ZFHX4: variants seen among roughly 807,000 people sequenced by gnomAD.
The protein encoded by ZFHX4 is zinc finger homeobox protein 4.
Under a neutral mutation model 267.6 loss-of-function variants are expected in ZFHX4, and 56 were observed. The ratio of observed to expected loss-of-function variants is 0.21; its 90% confidence interval spans 0.17 to 0.26. The LOEUF (loss-of-function observed/expected upper bound fraction) is 0.26, where lower values mean the gene tolerates loss of function less well. ZFHX4 is among the 10% of genes least tolerant of loss of function. The pLI, the probability that ZFHX4 is intolerant of heterozygous loss-of-function variation, is 1.00. For missense variants in ZFHX4, 4,332 were observed against 4,420.0 expected, an observed-to-expected ratio of 0.98 and a Z score of 0.56; for synonymous variants, 1,778 against 1,665.6, an observed-to-expected ratio of 1.07 and a Z score of -1.64.
chr8:76,855,948 T>C lies in ZFHX4; in HGVS notation c.9027T>C (p.Cys3009=). The C allele has an allele frequency of 6.2e-7, 1 of 1,613,944 alleles. No homozygotes were observed. Among genetic ancestry groups the C allele is most frequent in the Non-Finnish European group, 8.5e-7 (1 of 1,179,868 alleles). The change falls in exon 10 of 11, where the codon TGT becomes TGC. Residue 3009 remains cysteine (C), a synonymous_variant. Transcript: ENST00000651372. Reference sequence around the variant, plus strand: ...GAACGGAAGGCACCAAACCAGAGTGTACCCTCTGCGGGGTGAAGTACTCTG... The same window carrying C: ...GAACGGAAGGCACCAAACCAGAGTGCACCCTCTGCGGGGTGAAGTACTCTG... ...QGGTEGTKPE[C]TLCGVKYSAR...
At chr8:76,738,953 G>A (rs750581336) in intron 3 of ZFHX4, among the ~76,000 whole-genome samples, 5 of 152,000 alleles carry the variant, frequency 3.3e-5, no homozygotes, top group Admixed American at 2.6e-4. Context: ...GGGCTCAAGC[G>A]ATTCACCTGC....
chr8:76,842,568 A>AAAT, intron 5 of ZFHX4, 87 bp from the exon 6 acceptor site: 1 of 892,086 alleles, frequency 1.1e-6, no homozygotes, highest in Non-Finnish European at 1.7e-6. Context: ...CATAAATAAC[A>AAAT]AAGTTTTCAA....
intron 4 of ZFHX4, among the ~76,000 whole-genome samples, chr8:76,799,903 T>G (rs1012849489): frequency 6.6e-6 from 1 of 152,192 alleles, no homozygotes; most frequent in Non-Finnish European, 1.5e-5. Flanking sequence ...ACTTGATCAC[T>G]GCAAAAAACG....
At chr8:76,783,640 TA>T (rs1469014598) in intron 4 of ZFHX4, among the ~76,000 whole-genome samples, 1 of 152,002 alleles carries the variant, frequency 6.6e-6, no homozygotes, top group Non-Finnish European at 1.5e-5. Flanking sequence ...AGAATAATGG[TA>T]AAACTGACAT....
chr8:76,849,536 T>A lies in ZFHX4; in HGVS notation c.3670T>A (p.Tyr1224Asn). Residue 1224 changes from tyrosine to asparagine, a missense_variant, in exon 8 of 11, where the codon TAC (tyrosine) becomes AAC (asparagine). Physicochemically the swap from Tyr to Asn is moderately radical, Grantham distance 143 (BLOSUM62 -2). Transcript: ENST00000651372. The stretch of plus-strand genomic sequence containing the variant: ...GTTCTATCAATGTCCTTATTGTAAC[T>A]ACAATAGTAGGGACCAAAGTCGTAT... ...EQFYQCPYCN[Y>N]NSRDQSRIQM... 1 of 1,613,928 alleles carries A rather than the reference T, an allele frequency of 6.2e-7. No homozygotes were observed. Among genetic ancestry groups the A allele is most frequent in the Non-Finnish European group, 8.5e-7 (1 of 1,179,804 alleles).
In ZFHX4 at chr8:76,762,980, G is replaced by A. The variant is rs534748943; in HGVS notation, c.3094-15228G>A. Among the ~76,000 whole-genome samples, 15 of 152,280 alleles carry A rather than the reference G, an allele frequency of 9.9e-5. No individual in the cohort carries two copies. The South Asian group carries it at 3.1e-3, about 32-fold the overall frequency. On this transcript the variant is annotated intron_variant, in intron 3 of 10. Transcript: ENST00000651372. Reference sequence around the variant, plus strand: ...TAAGATCTGTCCTTGACACTTTACTGCTTTGAGGTGCTGGATCGAAGAGTT... The same window carrying A: ...TAAGATCTGTCCTTGACACTTTACTACTTTGAGGTGCTGGATCGAAGAGTT...
chr8:76,822,553 C>T (rs1244444380), intron 4 of ZFHX4, among the ~76,000 whole-genome samples: 1 of 151,126 alleles, frequency 6.6e-6, no homozygotes, highest in Non-Finnish European at 1.5e-5. Context: ...ATCCTCCCCA[C>T]CTCAGTATCC....
At chr8:76,833,558 T>A in intron 5 of ZFHX4, 152 bp downstream of exon 5, 1 of 592,302 alleles carries the variant, frequency 1.7e-6, no homozygotes, top group Non-Finnish European at 2.9e-6. Context: ...CAAAATGAAA[T>A]AAATTCAATA....
At chr8:76,695,803 G>GT (rs748796235) in intron 1 of ZFHX4, among the ~76,000 whole-genome samples, 2 of 152,286 alleles carry the variant, frequency 1.3e-5, no homozygotes, top group African/African-American at 4.8e-5. Flanking sequence ...AGGCTGATTA[G>GT]TTTTTTCCCC....
At chr8:76,711,069 C>T (rs1432304361) in intron 3 of ZFHX4, among the ~76,000 whole-genome samples, 2 of 151,960 alleles carry the variant, frequency 1.3e-5, no homozygotes, top group Non-Finnish European at 2.9e-5. Flanking sequence ...GGTATTTTGG[C>T]AAAGAACCCA....
chr8:76,835,288 G>A (rs55873900), intron 5 of ZFHX4, among the ~76,000 whole-genome samples: 29,744 of 124,766 alleles, frequency 0.24, 4,009 homozygotes, highest in East Asian at 0.43. Context: ...AAAAATGGCA[G>A]TTACACCTTC....
chr8:76,850,132 G>T (rs1460717474), intron 8 of ZFHX4, 113 bp from the exon 9 acceptor site: 1 of 834,086 alleles, frequency 1.2e-6, no homozygotes, highest in Non-Finnish European at 1.9e-6. Context: ...AAACATCCCT[G>T]CTTTGGCTAA....
intron 4 of ZFHX4, among the ~76,000 whole-genome samples, chr8:76,779,265 C>CT (rs1316906401): frequency 6.6e-6 from 1 of 151,898 alleles, no homozygotes; most frequent in African/African-American, 2.4e-5. Flanking sequence ...TCCGTTTTCC[C>CT]TTTTTTTTCT....
At chr8:76,783,415 A>C (rs1047695915) in intron 4 of ZFHX4, among the ~76,000 whole-genome samples, 3 of 152,196 alleles carry the variant, frequency 2.0e-5, no homozygotes, top group Admixed American at 6.5e-5. Flanking sequence ...TTTAATTATT[A>C]AAACTGAAAT....
rs1011333987 is a variant in ZFHX4, at chr8:76,703,813, C to T, written c.-46-230C>T. On this transcript the variant is annotated intron_variant, in intron 1 of 10. Coordinates refer to ENST00000651372, the MANE Select transcript of ZFHX4 (RefSeq NM_024721.5). ...TTAGACTTCTTATGAATGCTCATAG[C>T]GACTATGAAAACACCTTGGATGTCT... 2.6e-5 allele frequency among the ~76,000 whole-genome samples: 4 copies of T among 152,106 alleles called. No individual in the cohort carries two copies. The East Asian group carries it at 5.8e-4, about 22-fold the overall frequency.
At chr8:76,688,964 C>T (rs1247598615) in intron 1 of ZFHX4, among the ~76,000 whole-genome samples, 3 of 152,046 alleles carry the variant, frequency 2.0e-5, no homozygotes, top group Admixed American at 2.0e-4. Flanking sequence ...AGTATTTTTA[C>T]ATAAATTAAT....
chr8:76,849,245 A>AT (rs1812445727), intron 7 of ZFHX4, 117 bp downstream of exon 7: 15 of 1,215,796 alleles, frequency 1.2e-5, no homozygotes, highest in Non-Finnish European at 1.7e-5. Context: ...GCAATTGGCA[A>AT]TGTAACTCTT....
At chr8:76,773,453 T>C (rs1376623429) in intron 3 of ZFHX4, among the ~76,000 whole-genome samples, 1 of 152,202 alleles carries the variant, frequency 6.6e-6, no homozygotes, top group African/African-American at 2.4e-5. Context: ...ATCATGTATA[T>C]ATTTGTTCAA....
At chr8:76,847,580 G>T (rs1181939841) in intron 6 of ZFHX4, among the ~76,000 whole-genome samples, 1 of 151,842 alleles carries the variant, frequency 6.6e-6, no homozygotes, top group East Asian at 1.9e-4. Context: ...AACCCCAAGA[G>T]AATAAAATTA....
Sources: gnomAD v4.1 joint callset for allele counts (sites outside exome capture counted in the v4.1 genomes callset) on GRCh38, gnomAD v4.1.1 for gene constraint, MANE v1.5 for transcripts, NCBI Gene and HGNC (gene_info 2026-07-23, HGNC 2026-07-21) for gene names.